HAPLN2: variants seen among roughly 807,000 people sequenced by gnomAD.
HAPLN2 encodes the protein brain link protein-1.
In HAPLN2, 27 loss-of-function variants were observed where a neutral mutation model predicts 29.3. The observed-to-expected ratio is 0.92, with a 90% CI of 0.68 to 1.27. The LOEUF (loss-of-function observed/expected upper bound fraction) is 1.27, where lower values mean the gene tolerates loss of function less well. Among genes scored for constraint, HAPLN2 ranks in the 50% most tolerant of loss-of-function variants. The probability of loss-of-function intolerance (pLI) is 0.00; values close to 1 mark genes in which losing one functional copy is unlikely to be tolerated. For missense variants in HAPLN2, 454 were observed against 484.3 expected (o/e 0.94, Z 0.59); for synonymous variants, 208 against 211.7 (o/e 0.98, Z 0.15).
At chr1:156,614,939 T>G (rs1678023854), upstream of HAPLN2, 1 of 152,228 alleles carries the variant, frequency 6.6e-6, no homozygotes, top group Admixed American at 6.5e-5. Flanking sequence ...TTACTGTTCC[T>G]TGTGCTTTCC....
At chr1:156,601,816 G>C in the HAPLN2 span, among the ~76,000 whole-genome samples, 3 of 140,788 alleles carry the variant, frequency 2.1e-5, no homozygotes, top group Admixed American at 2.1e-4. Context: ...CGTGGAGGCA[G>C]AGTAGGTGAT....
chr1:156,606,512 T>C, the HAPLN2 span, among the ~76,000 whole-genome samples: 1 of 151,600 alleles, frequency 6.6e-6, no homozygotes, highest in Non-Finnish European at 1.5e-5. Flanking sequence ...TGACAGAGTT[T>C]TTCTGTGTTG....
chr1:156,603,324 G>T, the HAPLN2 span, among the ~76,000 whole-genome samples: 1 of 151,662 alleles, frequency 6.6e-6, no homozygotes, highest in Admixed American at 6.6e-5. Flanking sequence ...TGGGAGTACG[G>T]GTGCATGCCA....
chr1:156,617,716 C>G (rs539536317), upstream of HAPLN2, among the ~76,000 whole-genome samples: 8 of 149,276 alleles, frequency 5.4e-5, no homozygotes, highest in African/African-American at 2.0e-4. Context: ...AAAGCTACTT[C>G]CATGGGGCTA....
chr1:156,620,696 C>A (rs879266674), intron 2 of HAPLN2, among the ~76,000 whole-genome samples: 1 of 152,188 alleles, frequency 6.6e-6, no homozygotes, highest in Non-Finnish European at 1.5e-5. Flanking sequence ...GAGCTCCATT[C>A]TTTAGATTTC....
chr1:156,606,682 C>A, the HAPLN2 span, among the ~76,000 whole-genome samples: 2 of 151,858 alleles, frequency 1.3e-5, no homozygotes, highest in Admixed American at 6.6e-5. Flanking sequence ...AGGGTTTCAC[C>A]ATGTTGCCCA....
In HAPLN2 at chr1:156,620,071, C is replaced by A. The variant is rs1030182739; in HGVS notation, c.-112C>A. 2 of 152,230 alleles carry A rather than the reference C, an allele frequency of 1.3e-5. No individual in the cohort carries two copies. The highest frequency in any genetic ancestry group is 2.9e-5 in the Non-Finnish European group (2 of 68,080). 9.4% of individuals were successfully genotyped at this position (152,230 alleles called of 1,614,324 possible). The stretch of plus-strand genomic sequence containing the variant: ...TTGGAACTCCCAGGAGCCTGGCAAA[C>A]CTTCATCCAGAACCTCTTCCTCAAG... On this transcript the variant is annotated 5_prime_UTR_variant, in exon 2 of 7. Coordinates refer to ENST00000255039, the MANE Select transcript of HAPLN2 (RefSeq NM_021817.3).
At chr1:156,610,953 A>G in the HAPLN2 span, among the ~76,000 whole-genome samples, 1 of 152,238 alleles carries the variant, frequency 6.6e-6, no homozygotes, top group African/African-American at 2.4e-5. Flanking sequence ...TAAGTGGAAC[A>G]TGACTTTCAT....
upstream of HAPLN2, among the ~76,000 whole-genome samples, chr1:156,618,546 G>A (rs921012398): frequency 1.3e-5 from 2 of 151,938 alleles, no homozygotes; most frequent in South Asian, 2.1e-4. Context: ...TTGGGAGGCC[G>A]AGGCAGGCGG....
upstream of HAPLN2, among the ~76,000 whole-genome samples, chr1:156,617,650 C>CTTT (rs56771313): frequency 1.7e-3 from 228 of 137,352 alleles, 1 homozygote; most frequent in African/African-American, 5.5e-3. Flanking sequence ...TGCCCAGCCT[C>CTTT]TTTTTTTTTT....
At chr1:156,602,672 T>G in the HAPLN2 span, among the ~76,000 whole-genome samples, 1 of 140,978 alleles carries the variant, frequency 7.1e-6, no homozygotes, top group South Asian at 2.3e-4. Flanking sequence ...GAGGTTGCAG[T>G]GAGCCAGAAA....
chr1:156,609,560 A>G, the HAPLN2 span, among the ~76,000 whole-genome samples: 1 of 152,180 alleles, frequency 6.6e-6, no homozygotes, highest in Non-Finnish European at 1.5e-5. Flanking sequence ...TGGCATTTTG[A>G]TGGCCTTATT....
chr1:156,606,105 G>A, the HAPLN2 span, among the ~76,000 whole-genome samples: 1 of 152,060 alleles, frequency 6.6e-6, no homozygotes, highest in Non-Finnish European at 1.5e-5. Flanking sequence ...CCAACATGGC[G>A]AAATCCCGTC....
In HAPLN2 at chr1:156,625,405, AGC is replaced by A. The variant is rs768138314; in HGVS notation, c.*29_*30del. On this transcript the variant is annotated 3_prime_UTR_variant, in exon 7 of 7. Transcript: ENST00000255039. The surrounding 1 kb of genome is among the most constrained non-coding windows in gnomAD (Gnocchi z 5.7). ...ATTAGGCGCCCACCGTGTCCCCTCC[AGC>A]GCGCGCGAAGAAGCTTGGGAGTCGT... is the stretch of plus-strand genomic sequence containing the variant. 115 of 1,555,268 alleles carry A rather than the reference AGC, an allele frequency of 7.4e-5. No homozygotes were observed. The highest frequency in any genetic ancestry group is 9.7e-5 in the Non-Finnish European group (112 of 1,150,694).
the HAPLN2 span, among the ~76,000 whole-genome samples, chr1:156,606,951 C>T: frequency 1.8e-4 from 27 of 152,038 alleles, no homozygotes; most frequent in African/African-American, 6.5e-4. Flanking sequence ...AATAATTTCC[C>T]ATCTCCTAAC....
the HAPLN2 span, among the ~76,000 whole-genome samples, chr1:156,605,077 C>A: frequency 1.1e-4 from 17 of 151,798 alleles, no homozygotes; most frequent in African/African-American, 4.1e-4. Flanking sequence ...ACCAGCCTGG[C>A]CAATATGGTG....
At chr1:156,604,356 G>A in the HAPLN2 span, among the ~76,000 whole-genome samples, 1 of 149,824 alleles carries the variant, frequency 6.7e-6, no homozygotes, top group Non-Finnish European at 1.5e-5. Context: ...GCAGTGGCAC[G>A]ATCTTGGTTC....
upstream of HAPLN2, among the ~76,000 whole-genome samples, chr1:156,618,741 C>T (rs1028104568): frequency 1.4e-5 from 2 of 143,736 alleles, no homozygotes; most frequent in Non-Finnish European, 3.0e-5. Context: ...ATCGTGCCAC[C>T]GCACTCCAGC....
At position 156,623,854 on chromosome 1, in the gene HAPLN2, A is replaced by T; in HGVS notation, c.133A>T (p.Ile45Phe). ...CCTCCTGCCCCCCATCCACGAGGTC[A>T]TTCACTCTCATCGTGGGGCCACGGC... ...HYLLPPIHEV[I>F]HSHRGATATL... The change falls in exon 4 of 7, where the codon ATT (isoleucine) becomes TTT (phenylalanine). Residue 45 changes from isoleucine (I) to phenylalanine (F), a missense_variant. Ile to Phe is a conservative substitution (Grantham distance 21, BLOSUM62 0). This residue lies in a region of HAPLN2 where 204 missense variants were observed against 209.2 expected (regional missense o/e 0.98). Transcript: ENST00000255039. 1 of 1,552,884 alleles carries T rather than the reference A, an allele frequency of 6.4e-7. No homozygotes were observed. Among genetic ancestry groups the T allele is most frequent in the Non-Finnish European group, 8.7e-7 (1 of 1,150,420 alleles).
Sources: allele counts gnomAD v4.1 joint callset (sites outside exome capture counted in the v4.1 genomes callset), GRCh38; gene constraint gnomAD v4.1.1; regional missense constraint gnomAD v4.1.1; non-coding constraint Gnocchi (gnomAD v3.1); transcripts MANE v1.5; gene names NCBI Gene and HGNC (gene_info 2026-07-23, HGNC 2026-07-21).